The following TCF12 variants were observed in gnomAD, a reference collection of about 807,000 sequenced individuals.
The protein encoded by TCF12 is transcription factor 12.
Under a neutral mutation model 86.0 loss-of-function variants are expected in TCF12, and 45 were observed. The observed-to-expected ratio is 0.52, with a 90% confidence interval of 0.41 to 0.67. The LOEUF is 0.67. TCF12 is among the 30% of genes least tolerant of loss of function. The pLI is 0.00. For missense variants in TCF12, 881 were observed against 859.9 expected, an observed-to-expected ratio of 1.02 and a Z score of -0.31; for synonymous variants, 330 against 299.6, an observed-to-expected ratio of 1.10 and a Z score of -1.05.
intron 12 of TCF12, 98 bp from the exon 13 acceptor site, chr15:57,243,374 G>T (rs1437273003): frequency 2.0e-6 from 2 of 1,016,908 alleles, no homozygotes; most frequent in East Asian, 2.5e-5. Flanking sequence ...AAGTCTTAGG[G>T]GTGACAACTA....
chr15:57,204,452 G>T (rs1243317894), intron 8 of TCF12, among the ~76,000 whole-genome samples: 1 of 151,356 alleles, frequency 6.6e-6, no homozygotes, highest in Non-Finnish European at 1.5e-5. Flanking sequence ...CCAAGACTCT[G>T]TCTCAAAAAA....
intron 4 of TCF12, among the ~76,000 whole-genome samples, chr15:57,077,430 A>G (rs1318476120): frequency 1.4e-5 from 2 of 142,836 alleles, no homozygotes; most frequent in Admixed American, 7.3e-5. Flanking sequence ...GCTGGAGTGC[A>G]GTGACATGAT....
chr15:56,958,648 C>T (rs1418900854), intron 3 of TCF12, among the ~76,000 whole-genome samples: 2 of 144,752 alleles, frequency 1.4e-5, no homozygotes, highest in Admixed American at 6.9e-5. Flanking sequence ...ATACAGTTTG[C>T]CTGTATATGA....
intron 3 of TCF12, among the ~76,000 whole-genome samples, chr15:57,048,758 C>T (rs1444755315): frequency 6.6e-6 from 1 of 151,954 alleles, no homozygotes; most frequent in Non-Finnish European, 1.5e-5. Flanking sequence ...TGGAAACCCA[C>T]AAGAATGTGA....
chr15:57,276,282 C>T (rs2061393123), intron 19 of TCF12, among the ~76,000 whole-genome samples: 1 of 152,184 alleles, frequency 6.6e-6, no homozygotes, highest in African/African-American at 2.4e-5. Flanking sequence ...ATTTCCAAAC[C>T]TTACCCCAGG....
At position 57,288,249 on chromosome 15, in the gene TCF12, A is replaced by G. The variant is rs1315265070; in HGVS notation, c.*2104A>G. The stretch of plus-strand genomic sequence containing the variant: ...AAATTTACAATAGCATTTTAAGACC[A>G]TAGTAGGATTCTAGCATACCGTGTA... On this transcript the variant is annotated 3_prime_UTR_variant, in exon 21 of 21. Transcript: ENST00000333725. 2 of 152,638 alleles carry G rather than the reference A, an allele frequency of 1.3e-5. No individual in the cohort carries two copies. The highest frequency in any genetic ancestry group is 2.4e-5 in the African/African-American group (1 of 41,464). 9.5% of individuals were successfully genotyped at this position (152,638 alleles called of 1,614,324 possible). A position where few individuals can be genotyped will look rare whatever the true frequency, so the allele number is the denominator to read the frequency against.
intron 18 of TCF12, among the ~76,000 whole-genome samples, chr15:57,268,348 T>G (rs1389619371): frequency 1.3e-5 from 2 of 152,230 alleles, no homozygotes; most frequent in African/African-American, 4.8e-5. Context: ...AGTGATTTTC[T>G]TTTGTCAAAA....
chr15:57,251,484 A>G lies in TCF12; in HGVS notation c.1188+61A>G, dbSNP rs1291679305. On this transcript the variant is annotated intron_variant, in intron 14 of 20. Transcript: ENST00000333725. The stretch of plus-strand genomic sequence containing the variant: ...CTTAGAGTTTGTTTGTTTTTGGTCA[A>G]TCTGGCATAACAATAAAGAAACAGT... The G allele has an allele frequency of 1.8e-5, 27 of 1,512,980 alleles. 1 individual carries two copies. Among genetic ancestry groups the G allele is most frequent in the Non-Finnish European group, 2.5e-5 (27 of 1,092,956 alleles). The allele number at this position is 1,512,980 out of a possible 1,614,324, so 93.7% of individuals were successfully genotyped here.
chr15:57,169,071 CA>C (rs2055111882), intron 6 of TCF12, among the ~76,000 whole-genome samples: 1 of 151,836 alleles, frequency 6.6e-6, no homozygotes, highest in Non-Finnish European at 1.5e-5. Context: ...AATAAATAAC[CA>C]AACTAAGTTA....
intron 11 of TCF12, among the ~76,000 whole-genome samples, chr15:57,233,816 A>G (rs563587790): frequency 1.6e-4 from 25 of 152,308 alleles, no homozygotes; most frequent in Middle Eastern, 3.4e-3. Context: ...GTTGAATTTA[A>G]AAGTGAAAGA....
At chr15:57,009,046 T>C (rs1205238966) in intron 3 of TCF12, among the ~76,000 whole-genome samples, 1 of 152,172 alleles carries the variant, frequency 6.6e-6, no homozygotes, top group East Asian at 1.9e-4. Flanking sequence ...ATAATTTTCA[T>C]TTTGAAGTTA....
intron 4 of TCF12, among the ~76,000 whole-genome samples, chr15:57,071,051 A>G (rs1361057679): frequency 2.0e-5 from 3 of 152,170 alleles, no homozygotes; most frequent in Non-Finnish European, 4.4e-5. Flanking sequence ...TTAAAGGTGA[A>G]TAAATGTGTA....
At chr15:57,010,195 G>A (rs2064738877) in intron 3 of TCF12, among the ~76,000 whole-genome samples, 1 of 151,824 alleles carries the variant, frequency 6.6e-6, no homozygotes, top group Non-Finnish European at 1.5e-5. Context: ...ATAAGAGAAG[G>A]CCAGGGAATG....
At chr15:57,056,116 G>GGGGTGTGTGTGT (rs367596955) in intron 3 of TCF12, among the ~76,000 whole-genome samples, 9 of 143,238 alleles carry the variant, frequency 6.3e-5, no homozygotes, top group South Asian at 2.3e-4. Context: ...TAGTTTTAGG[G>GGGGTGTGTGTGT]GTGTGTGTGT....
intron 3 of TCF12, among the ~76,000 whole-genome samples, chr15:57,061,687 T>TTCATAA (rs2068467510): frequency 6.6e-6 from 1 of 152,202 alleles, no homozygotes; most frequent in Non-Finnish European, 1.5e-5. Flanking sequence ...ATAAAAAGAC[T>TTCATAA]AAGTTATGGT....
At chr15:57,219,639 G>A in intron 8 of TCF12, 7 of 1,561,274 alleles carry the variant, frequency 4.5e-6, no homozygotes, top group Non-Finnish European at 6.2e-6. Context: ...TTAAAGGAAA[G>A]CAGTATACAT....
At chr15:57,097,987 C>G (rs984199312) in intron 5 of TCF12, among the ~76,000 whole-genome samples, 1 of 121,098 alleles carries the variant, frequency 8.3e-6, no homozygotes, top group African/African-American at 3.2e-5. Context: ...GAAACCCCAT[C>G]TCTACTAAAA....
At chr15:57,210,685 A>G (rs977734915) in intron 8 of TCF12, among the ~76,000 whole-genome samples, 1 of 152,166 alleles carries the variant, frequency 6.6e-6, no homozygotes, top group African/African-American at 2.4e-5. Context: ...CCTTTTTTAT[A>G]TAACAACCAT....
intron 5 of TCF12, among the ~76,000 whole-genome samples, chr15:57,146,117 C>T (rs1287549627): frequency 6.6e-6 from 1 of 152,032 alleles, no homozygotes; most frequent in African/African-American, 2.4e-5. Flanking sequence ...TACATATACC[C>T]TTTAAGATTT....
Sources: gnomAD v4.1 joint callset for allele counts (sites outside exome capture counted in the v4.1 genomes callset) on GRCh38, gnomAD v4.1.1 for gene constraint, MANE v1.5 for transcripts, NCBI Gene and HGNC (gene_info 2026-07-23, HGNC 2026-07-21) for gene names.